The following DROSHA variants were observed in gnomAD, a reference collection of about 807,000 sequenced individuals.
DROSHA encodes the protein ribonuclease 3.
A neutral mutation model predicts 181.9 loss-of-function variants in DROSHA; 56 were observed. That is an observed-to-expected ratio of 0.31 (90% CI 0.25 to 0.38). The LOEUF is 0.38. Among genes scored for constraint, DROSHA ranks in the 10% least tolerant of loss-of-function variants. The pLI is 1.00. For missense variants in DROSHA, 1,218 were observed against 1,743.5 expected, an observed-to-expected ratio of 0.70 and a Z score of 5.37; for synonymous variants, 524 against 591.2, an observed-to-expected ratio of 0.89 and a Z score of 1.65.
intron 16 of DROSHA, among the ~76,000 whole-genome samples, chr5:31,478,508 G>A (rs1222981949): frequency 1.3e-5 from 2 of 152,226 alleles, no homozygotes; most frequent in Middle Eastern, 3.4e-3. Context: ...AGGCTGAGGC[G>A]GGCAGACCTG....
intron 12 of DROSHA, 86 bp downstream of exon 12, chr5:31,495,200 G>T: frequency 7.2e-7 from 1 of 1,392,178 alleles, no homozygotes; most frequent in Non-Finnish European, 9.9e-7. Context: ...AAGAACATTT[G>T]AGAACAGAAT....
chr5:31,437,231 C>T lies in DROSHA; in HGVS notation c.2942+8G>A, dbSNP rs751417574. On this transcript the variant is annotated splice_region_variant and intron_variant, in intron 24 of 35. Transcript: ENST00000344624. Reference sequence around the variant, plus strand: ...GAGGAATTGTAAAAAACAAAAAAGCCTAATTACCTGGTCAGAAATTCAACA... The same window carrying T: ...GAGGAATTGTAAAAAACAAAAAAGCTTAATTACCTGGTCAGAAATTCAACA... The T allele has an allele frequency of 4.5e-6, 7 of 1,566,698 alleles. No individual in the cohort carries two copies. The highest frequency in any genetic ancestry group is 6.1e-6 in the Non-Finnish European group (7 of 1,154,662).
At chr5:31,512,642 A>G (rs1360644242) in intron 8 of DROSHA, among the ~76,000 whole-genome samples, 5 of 152,214 alleles carry the variant, frequency 3.3e-5, no homozygotes, top group African/African-American at 9.6e-5. Flanking sequence ...GGTGGACCCA[A>G]TCTTAGAACA....
chr5:31,471,129 T>G (rs1398583309), intron 17 of DROSHA, among the ~76,000 whole-genome samples: 1 of 152,262 alleles, frequency 6.6e-6, no homozygotes, highest in Non-Finnish European at 1.5e-5. Context: ...GAATCCATAC[T>G]AGCCAGAATG....
At chr5:31,420,890 T>C (rs1742580199) in intron 30 of DROSHA, among the ~76,000 whole-genome samples, 1 of 152,228 alleles carries the variant, frequency 6.6e-6, no homozygotes, top group Non-Finnish European at 1.5e-5. Context: ...TAACTTAAGC[T>C]TTCTATAGTG....
At position 31,500,442 on chromosome 5, in the gene DROSHA, C is replaced by T. The variant is rs551668013; in HGVS notation, c.1668+4113G>A. On this transcript the variant is annotated intron_variant, in intron 11 of 35. Transcript: ENST00000344624. ...TTGAGAACTCCCTACCAGCATGGCT[C>T]CTAAAAGCATGAAGAAGCAACGGCC... Among the ~76,000 whole-genome samples the T allele has an allele frequency of 1.2e-3, 189 of 152,260 alleles. 1 individual carries two copies. Among genetic ancestry groups the T allele is most frequent in the African/African-American group, 4.4e-3 (184 of 41,536 alleles).
At chr5:31,466,504 T>C (rs1307121575) in intron 18 of DROSHA, 2 of 449,126 alleles carry the variant, frequency 4.5e-6, no homozygotes, top group Non-Finnish European at 4.0e-6. Flanking sequence ...TTATTGCTTA[T>C]TTCAGTTGGA....
intron 20 of DROSHA, among the ~76,000 whole-genome samples, chr5:31,462,590 T>C (rs915222274): frequency 7.4e-5 from 10 of 134,814 alleles, no homozygotes; most frequent in African/African-American, 2.8e-4. Context: ...AGCTGAAGAA[T>C]ACAAAACTGT....
At chr5:31,508,028 T>G (rs1738191756) in intron 10 of DROSHA, among the ~76,000 whole-genome samples, 1 of 152,234 alleles carries the variant, frequency 6.6e-6, no homozygotes. Context: ...CAGATATGCC[T>G]TAGCTTCCTA....
chr5:31,483,605 G>T lies in DROSHA; in HGVS notation c.2020C>A (p.Pro674Thr), dbSNP rs1561231356. The change falls in exon 16 of 36, where the codon CCC becomes ACC. Residue 674 changes from proline to threonine, a missense_variant. Physicochemically the swap from Pro to Thr is conservative, Grantham distance 38. Coordinates refer to ENST00000344624, the MANE Select transcript of DROSHA (RefSeq NM_001382508.1). ...LKGPLFEDSPPCCPRFHFMPR... is the reference protein window; with the variant it reads ...LKGPLFEDSPTCCPRFHFMPR... ...ATGAAATGAAATCTTGGGCAGCAGGGAGGGCTGTCTTCAAACAAAGGACCT... is the reference window on the plus strand; with the variant it reads ...ATGAAATGAAATCTTGGGCAGCAGGTAGGGCTGTCTTCAAACAAAGGACCT... 2 of 1,612,410 alleles carry T rather than the reference G, an allele frequency of 1.2e-6. No individual in the cohort carries two copies. The highest frequency in any genetic ancestry group is 2.2e-5 in the East Asian group (1 of 44,780).
Position 31,410,881 on chromosome 5 carries a change from G to C in DROSHA, c.3532C>G (p.Arg1178Gly). The change falls in exon 31 of 36, where the codon CGA (arginine) becomes GGA (glycine). Residue 1178 changes from arginine to glycine, a missense_variant. By Grantham distance (125) the Arg-to-Gly change is moderately radical (BLOSUM62 -2). Coordinates refer to ENST00000344624, the MANE Select transcript of DROSHA (RefSeq NM_001382508.1). ...DHHEGHLTLL[R>G]SSLVNNRTQA... ...GTTCTATTATTCACCAAAGAGCTTC[G>C]CAACAACTGCCCAAAAGGAATGGCG... 1 of 1,613,738 alleles carries C rather than the reference G, an allele frequency of 6.2e-7. No homozygotes were observed. The highest frequency in any genetic ancestry group is 8.5e-7 in the Non-Finnish European group (1 of 1,179,736).
intron 35 of DROSHA, among the ~76,000 whole-genome samples, chr5:31,402,129 T>C (rs145205934): frequency 2.0e-5 from 3 of 152,342 alleles, no homozygotes; most frequent in Admixed American, 6.5e-5. Flanking sequence ...CAAAGCTGTA[T>C]TTGCAAAAGT....
intron 24 of DROSHA, among the ~76,000 whole-genome samples, 166 bp from the exon 25 acceptor site, chr5:31,436,030 G>A (rs1183257897): frequency 6.6e-6 from 1 of 152,208 alleles, no homozygotes; most frequent in East Asian, 1.9e-4. Context: ...GGTAAGAACA[G>A]TATATCTGAA....
intron 16 of DROSHA, among the ~76,000 whole-genome samples, chr5:31,474,097 C>T (rs1023536739): frequency 2.0e-5 from 3 of 152,180 alleles, no homozygotes; most frequent in African/African-American, 4.8e-5. Context: ...GTAGATAACA[C>T]TCAGAAAATA....
rs1366712602 is a variant in DROSHA, at chr5:31,405,079, AAC to A, written c.3994+596_3994+597del. On this transcript the variant is annotated intron_variant, in intron 35 of 35. Coordinates refer to ENST00000344624, the MANE Select transcript of DROSHA (RefSeq NM_001382508.1). ...GAGAATAGAGAAATGTATGAAAGAA[AAC>A]ACAGGCCGGGTGCAGTGGCTCATGC... Among the ~76,000 whole-genome samples, 17 of 152,354 alleles carry A rather than the reference AAC, an allele frequency of 1.1e-4. No homozygotes were observed. In the East Asian group the frequency reaches 2.9e-3, roughly 26 times the overall value.
intron 30 of DROSHA, 78 bp downstream of exon 30, chr5:31,421,194 T>C (rs761644454): frequency 9.3e-6 from 10 of 1,075,930 alleles, no homozygotes; most frequent in Middle Eastern, 2.1e-4. Context: ...ATTAATTACA[T>C]AGATATATAT....
At chr5:31,427,303 A>T (rs1743597342) in intron 27 of DROSHA, among the ~76,000 whole-genome samples, 1 of 152,186 alleles carries the variant, frequency 6.6e-6, no homozygotes, top group Admixed American at 6.5e-5. Flanking sequence ...AATCAAAATG[A>T]AACAATGGAT....
At chr5:31,527,326 A>AC (rs899875372) in intron 4 of DROSHA, among the ~76,000 whole-genome samples, 11 of 149,874 alleles carry the variant, frequency 7.3e-5, no homozygotes, top group Non-Finnish European at 1.2e-4. Flanking sequence ...TGGGATTACC[A>AC]CCCCCCCTCT....
intron 11 of DROSHA, among the ~76,000 whole-genome samples, chr5:31,501,957 C>T (rs1753620742): frequency 1.3e-5 from 2 of 152,154 alleles, no homozygotes; most frequent in Admixed American, 1.3e-4. Context: ...TGAGATAAAC[C>T]CTACAAAGAT....
Sources: gnomAD v4.1 joint callset for allele counts (sites outside exome capture counted in the v4.1 genomes callset) on GRCh38, gnomAD v4.1.1 for gene constraint, MANE v1.5 for transcripts, NCBI Gene and HGNC (gene_info 2026-07-23, HGNC 2026-07-21) for gene names.